The following INPP5B variants were observed in gnomAD, a reference collection of about 807,000 sequenced individuals.
INPP5B encodes the protein type II inositol 1,4,5-trisphosphate 5-phosphatase.
INPP5B carries 90 observed loss-of-function variants against 118.5 expected under a neutral mutation model. The ratio of observed to expected loss-of-function variants is 0.76; its 90% CI spans 0.64 to 0.90. The LOEUF (loss-of-function observed/expected upper bound fraction) is 0.90, where lower values mean the gene tolerates loss of function less well. Among genes scored for constraint, INPP5B ranks in the 40% least tolerant of loss-of-function variants. The pLI is 0.00. For missense variants in INPP5B, 984 were observed against 1,125.6 expected (o/e 0.87, Z 1.80); for synonymous variants, 385 against 418.9 (o/e 0.92, Z 0.99).
At chr1:37,918,740 T>G (rs1179251694) in intron 7 of INPP5B, among the ~76,000 whole-genome samples, 3 of 152,210 alleles carry the variant, frequency 2.0e-5, no homozygotes, top group Non-Finnish European at 4.4e-5. Context: ...TGCTACCATA[T>G]TTACGGAGAC....
At position 37,875,563 on chromosome 1, in the gene INPP5B, C is replaced by T. The variant is rs551043365; in HGVS notation, c.1788+43G>A. 326 of 1,504,472 alleles carry T rather than the reference C, an allele frequency of 2.2e-4. No individual in the cohort carries two copies. Among genetic ancestry groups the T allele is most frequent in the Non-Finnish European group, 2.8e-4 (298 of 1,082,144 alleles). 93.2% of individuals were successfully genotyped at this position (1,504,472 alleles called of 1,614,324 possible). On this transcript the variant is annotated intron_variant, in intron 17 of 23. Transcript: ENST00000373024. ...GATTACAGGCGTGAGCCACTGCACC[C>T]GGCCTGAGCCCAATGCTAATATTCT...
rs1644529537 is a variant in INPP5B, at chr1:37,907,151, A to C, written c.533-15697T>G. Among the ~76,000 whole-genome samples, 2 of 152,212 alleles carry C rather than the reference A, an allele frequency of 1.3e-5. No homozygotes were observed. The highest frequency in any genetic ancestry group is 2.1e-4 in the South Asian group (1 of 4,836). On this transcript the variant is annotated intron_variant, in intron 7 of 23. Transcript: ENST00000373024. The surrounding 1 kb of genome is among the most constrained non-coding windows in gnomAD (Gnocchi z 4.3). ...CCTTCTAATTTAGTTTATTTGGAAT[A>C]ATTTCACTTATTTTGCTTTACCGTT...
chr1:37,886,951 C>T lies in INPP5B; in HGVS notation c.1068G>A (p.Glu356=). ...CCACTTCTGAGATATAAGCTGCATG[C>T]TCCTGTTTGACATATAACAGCAGCA... ...GIMLLLYVKQ[E]HAAYISEVEA... Residue 356 remains glutamate (E), a synonymous_variant, in exon 12 of 24, where the codon GAG becomes GAA. Transcript: ENST00000373024. 1 of 1,614,176 alleles carries T rather than the reference C, an allele frequency of 6.2e-7. No individual in the cohort carries two copies. Among genetic ancestry groups the T allele is most frequent in the Non-Finnish European group, 8.5e-7 (1 of 1,180,022 alleles).
At chr1:37,945,735 G>A in intron 3 of INPP5B, 21 bp downstream of exon 3, 11 of 1,594,018 alleles carry the variant, frequency 6.9e-6, no homozygotes, top group Non-Finnish European at 9.5e-6. Flanking sequence ...CAGACAGGTG[G>A]GGACCAAGCC....
chr1:37,890,220 C>A (rs1403773154), intron 8 of INPP5B, among the ~76,000 whole-genome samples: 1 of 151,966 alleles, frequency 6.6e-6, no homozygotes, highest in South Asian at 2.1e-4. Context: ...ACCAAAAATA[C>A]AAAAATGAGC....
At chr1:37,881,510 ATAC>A (rs1643198358) in intron 14 of INPP5B, among the ~76,000 whole-genome samples, 1 of 152,230 alleles carries the variant, frequency 6.6e-6, no homozygotes, top group Non-Finnish European at 1.5e-5. Flanking sequence ...TATTTAGTAG[ATAC>A]TACTTGCCAA....
chr1:37,940,254 G>A (rs1645863056), intron 6 of INPP5B, among the ~76,000 whole-genome samples: 1 of 152,196 alleles, frequency 6.6e-6, no homozygotes. Context: ...CTAGCCCAAA[G>A]CTAGACCATT....
intron 5 of INPP5B, among the ~76,000 whole-genome samples, chr1:37,943,334 T>A (rs564896832): frequency 6.6e-6 from 1 of 152,074 alleles, no homozygotes; most frequent in Non-Finnish European, 1.5e-5. Flanking sequence ...GAGAAATGCA[T>A]GAATGGAAGC....
intron 7 of INPP5B, among the ~76,000 whole-genome samples, chr1:37,918,537 T>C (rs957993342): frequency 1.8e-4 from 28 of 152,220 alleles, no homozygotes; most frequent in African/African-American, 6.8e-4. Context: ...TCAGTAGTCA[T>C]TTCTCTGAAT....
chr1:37,894,991 A>G (rs1643972335), intron 7 of INPP5B, among the ~76,000 whole-genome samples: 1 of 152,234 alleles, frequency 6.6e-6, no homozygotes, highest in African/African-American at 2.4e-5. Flanking sequence ...GAGTTCTACT[A>G]ACCCATAGTT....
At chr1:37,910,461 C>T (rs1209051548) in intron 7 of INPP5B, among the ~76,000 whole-genome samples, 1 of 152,108 alleles carries the variant, frequency 6.6e-6, no homozygotes, top group East Asian at 1.9e-4. Flanking sequence ...TCCTGGGCTA[C>T]AGCCACACCT....
chr1:37,875,611 G>T lies in INPP5B; in HGVS notation c.1783C>A (p.Arg595=), dbSNP rs1235897919. ...ANIPSVSLSK[R]EFCFQNVKYM... ...TCTTAACATGTCCTTCCTACCTCTC[G>T]CTTGGACAGGGACACAGAAGGAATG... The change falls in exon 17 of 24, where the codon CGA becomes AGA. Residue 595 remains arginine, a synonymous_variant. Transcript: ENST00000373024. 6.2e-7 allele frequency: 1 copy of T among 1,611,584 alleles called. No individual in the cohort carries two copies. Among genetic ancestry groups the T allele is most frequent in the African/African-American group, 1.3e-5 (1 of 74,848 alleles).
chr1:37,923,729 T>C (rs139858152), intron 7 of INPP5B, among the ~76,000 whole-genome samples: 3 of 151,002 alleles, frequency 2.0e-5, no homozygotes, highest in African/African-American at 7.3e-5. Context: ...AGGTTGTTAG[T>C]GACTGCATTC....
chr1:37,865,914 G>GT, intron 21 of INPP5B, 26 bp from the exon 22 acceptor site: 1 of 1,608,656 alleles, frequency 6.2e-7, no homozygotes, highest in Non-Finnish European at 8.5e-7. Context: ...TTAAGGAACC[G>GT]ATAATGCTGC....
chr1:37,882,939 G>A, intron 13 of INPP5B, 21 bp from the exon 14 acceptor site: 1 of 1,614,028 alleles, frequency 6.2e-7, no homozygotes, highest in East Asian at 2.2e-5. Context: ...AGAGCACAAA[G>A]GTAACAGGGT....
intron 19 of INPP5B, among the ~76,000 whole-genome samples, chr1:37,871,731 C>T (rs549921374): frequency 2.7e-5 from 4 of 150,468 alleles, no homozygotes; most frequent in African/African-American, 7.3e-5. Flanking sequence ...GGTGAAATCC[C>T]GTCTCTACTA....
In INPP5B at chr1:37,875,664, C is replaced by T. The variant is rs371113985; in HGVS notation, c.1730G>A (p.Arg577His). The T allele has an allele frequency of 4.4e-5, 71 of 1,614,104 alleles. No individual in the cohort carries two copies. Among genetic ancestry groups the T allele is most frequent in the Non-Finnish European group, 5.6e-5 (66 of 1,179,960 alleles). The change falls in exon 17 of 24, where the codon CGC (arginine) becomes CAC (histidine). Residue 577 changes from arginine to histidine, a missense_variant. This residue lies in a region of INPP5B where 634 missense variants were observed against 791.0 expected (regional missense o/e 0.80). Coordinates refer to ENST00000373024, the MANE Select transcript of INPP5B (RefSeq NM_005540.3). ...GGCATTTTCCATCTTATCCAGGGAG[C>T]GAACAATTTCCTCCAGTGTCTTCCG... ...LYRKTLEEIV[R>H]SLDKMENANI...
chr1:37,901,363 T>C (rs1448529873), intron 7 of INPP5B, among the ~76,000 whole-genome samples: 1 of 152,174 alleles, frequency 6.6e-6, no homozygotes, highest in Non-Finnish European at 1.5e-5. Flanking sequence ...AGTGGGGATT[T>C]TAAATATCAA....
chr1:37,922,701 A>C (rs1316032326), intron 7 of INPP5B, among the ~76,000 whole-genome samples: 1 of 152,222 alleles, frequency 6.6e-6, no homozygotes, highest in East Asian at 1.9e-4. Flanking sequence ...GTCTCAAAAA[A>C]ATAAATAAAA....
Sources: gnomAD v4.1 joint callset for allele counts (sites outside exome capture counted in the v4.1 genomes callset) on GRCh38, gnomAD v4.1.1 for gene constraint, gnomAD v4.1.1 regional missense constraint, Gnocchi (gnomAD v3.1) non-coding constraint, MANE v1.5 for transcripts, NCBI Gene and HGNC (gene_info 2026-07-23, HGNC 2026-07-21) for gene names.